Variants in METRNL observed in about 807,000 individuals in gnomAD.
The protein encoded by METRNL is meteorin like, glial cell differentiation regulator.
A neutral mutation model predicts 17.4 loss-of-function variants in METRNL; 9 were observed. The ratio of observed to expected loss-of-function variants is 0.52; its 90% CI spans 0.31 to 0.90. The LOEUF (loss-of-function observed/expected upper bound fraction) is 0.90. METRNL is among the 40% of genes least tolerant of loss of function. METRNL has a pLI of 0.05. For synonymous variants in METRNL, 215 were observed against 199.3 expected, an observed-to-expected ratio of 1.08 and a Z score of -0.66; for missense variants, 408 against 430.7, an observed-to-expected ratio of 0.95 and a Z score of 0.47.
At chr17:83,084,085 T>C (rs1339617628) in intron 1 of METRNL, 1 of 152,210 alleles carries the variant, frequency 6.6e-6, no homozygotes, top group Non-Finnish European at 1.5e-5. Context: ...CTGTTTAGCA[T>C]GTATGAGGGT....
Position 83,094,651 on chromosome 17 carries a change from C to T in METRNL, c.*76C>T, listed in dbSNP as rs535947267. The T allele has an allele frequency of 2.7e-5, 33 of 1,226,178 alleles. 1 individual carries two copies. The highest frequency in any genetic ancestry group is 1.4e-4 in the African/African-American group (9 of 64,316). 76.0% of individuals were successfully genotyped at this position (1,226,178 alleles called of 1,614,324 possible). A position where few individuals can be genotyped will look rare whatever the true frequency, so the allele number is the denominator to read the frequency against. On this transcript the variant is annotated 3_prime_UTR_variant, in exon 4 of 4. Coordinates refer to ENST00000320095, the MANE Select transcript of METRNL (RefSeq NM_001004431.3). ...GCGCTGCGGTCCTGGTGGGGCCGTG[C>T]GGTGAGGGCCGCGCGCTGGGAGCCG...
chr17:83,089,903 C>G (rs951342515), intron 2 of METRNL, among the ~76,000 whole-genome samples: 1 of 152,062 alleles, frequency 6.6e-6, no homozygotes, highest in Non-Finnish European at 1.5e-5. Context: ...GCTGCAGGCA[C>G]TGACCGTCCC....
At chr17:83,093,095 T>C in intron 2 of METRNL, 72 bp from the exon 3 acceptor site, 1 of 1,330,348 alleles carries the variant, frequency 7.5e-7, no homozygotes, top group Non-Finnish European at 1.1e-6. Context: ...TGAGGATCCT[T>C]TGACGGTGGT....
At position 83,094,303 on chromosome 17, in the gene METRNL, G is replaced by C; in HGVS notation, c.664G>C (p.Asp222His). ...QQVTHEPERQDSAIHLRVSRL... is the reference protein window; with the variant it reads ...QQVTHEPERQHSAIHLRVSRL... ...AGTTACCCACGAGCCTGAGCGGCAG[G>C]ACTCAGCCATCCACCTGCGCGTGAG... Residue 222 changes from aspartate to histidine, a missense_variant, in exon 4 of 4, where the codon GAC becomes CAC. Transcript: ENST00000320095. 1 of 1,594,388 alleles carries C rather than the reference G, an allele frequency of 6.3e-7. No homozygotes were observed.
chr17:83,094,167 C>T, intron 3 of METRNL, 89 bp from the exon 4 acceptor site: 1 of 1,133,330 alleles, frequency 8.8e-7, no homozygotes, highest in Admixed American at 2.5e-5. Flanking sequence ...GTTCCAGTGC[C>T]CATCGATGCG....
intron 2 of METRNL, among the ~76,000 whole-genome samples, chr17:83,087,931 G>A (rs772860205): frequency 9.2e-5 from 14 of 152,170 alleles, no homozygotes; most frequent in African/African-American, 1.4e-4. Context: ...TGTGAGCCCC[G>A]TCCCCTGCCC....
At position 83,094,485 on chromosome 17, in the gene METRNL, C is replaced by T. The variant is rs200555781; in HGVS notation, c.846C>T (p.Leu282=). ...ACATGCACTTCGGGGAGGCGCGGCTCGGCTGTGCCCCACGCTTCAAGGACT... is the reference window on the plus strand; with the variant it reads ...ACATGCACTTCGGGGAGGCGCGGCTTGGCTGTGCCCCACGCTTCAAGGACT... ...TGHMHFGEAR[L]GCAPRFKDFQ... is the part of the protein sequence containing the mutation. Residue 282 remains leucine, a synonymous_variant, in exon 4 of 4, where the codon CTC becomes CTT. Coordinates refer to ENST00000320095, the MANE Select transcript of METRNL (RefSeq NM_001004431.3). 2.9e-4 allele frequency: 454 copies of T among 1,577,872 alleles called. No homozygotes were observed. The highest frequency in any genetic ancestry group is 3.5e-4 in the Non-Finnish European group (409 of 1,155,584).
rs147049001 is a variant in METRNL at position 83,091,695 on chromosome 17, G to A, written c.557-1472G>A. 1.3e-4 allele frequency among the ~76,000 whole-genome samples: 20 copies of A among 152,364 alleles called. No individual in the cohort carries two copies. In the East Asian group the frequency reaches 1.4e-3, roughly 10 times the overall value. ...GCAGCCGGCCAGGGGTGCAGACGGCGTTAGCTTCTTCCAGGGCCGGCGAAC... is the reference window on the plus strand; with the variant it reads ...GCAGCCGGCCAGGGGTGCAGACGGCATTAGCTTCTTCCAGGGCCGGCGAAC... On this transcript the variant is annotated intron_variant, in intron 2 of 3. Coordinates refer to ENST00000320095, the MANE Select transcript of METRNL (RefSeq NM_001004431.3).
chr17:83,092,965 G>A (rs2038157703), intron 2 of METRNL, among the ~76,000 whole-genome samples: 1 of 152,180 alleles, frequency 6.6e-6, no homozygotes, highest in South Asian at 2.1e-4. Context: ...TCGAGGTTGT[G>A]TTTTCTGTCT....
intron 2 of METRNL, among the ~76,000 whole-genome samples, chr17:83,086,720 C>T (rs1270526830): frequency 6.6e-6 from 1 of 152,212 alleles, no homozygotes; most frequent in African/African-American, 2.4e-5. Context: ...GAGCTTTGTT[C>T]TGCTTCTGGG....
At chr17:83,089,896 G>T (rs1344331073) in intron 2 of METRNL, among the ~76,000 whole-genome samples, 1 of 152,062 alleles carries the variant, frequency 6.6e-6, no homozygotes, top group African/African-American at 2.4e-5. Flanking sequence ...AGGCGAGGCT[G>T]CAGGCACTGA....
chr17:83,094,025 T>C (rs1028105744), intron 3 of METRNL, among the ~76,000 whole-genome samples: 1 of 152,222 alleles, frequency 6.6e-6, no homozygotes, highest in South Asian at 2.1e-4. Context: ...GGTCTGGCCC[T>C]TGGTAGAAAG....
rs2038181778 is a variant in METRNL, at chr17:83,094,633, G to A, written c.*58G>A. ...AGTCACAGGCTGCGGTGGGCGCTGC[G>A]GTCCTGGTGGGGCCGTGCGGTGAGG... On this transcript the variant is annotated 3_prime_UTR_variant, in exon 4 of 4. Transcript: ENST00000320095. 7 of 1,360,218 alleles carry A rather than the reference G, an allele frequency of 5.1e-6. No homozygotes were observed. The highest frequency in any genetic ancestry group is 5.6e-5 in the East Asian group (2 of 35,816). The allele number at this position is 1,360,218 out of a possible 1,614,324, so 84.3% of individuals were successfully genotyped here. A position where few individuals can be genotyped will look rare whatever the true frequency, so the allele number is the denominator to read the frequency against.
In METRNL at chr17:83,085,250, C is replaced by T. The variant is rs895152360; in HGVS notation, c.483C>T (p.Ile161=). The T allele has an allele frequency of 7.0e-6, 11 of 1,574,076 alleles. No homozygotes were observed. The highest frequency in any genetic ancestry group is 4.5e-5 in the East Asian group (2 of 44,482). Reference sequence around the variant, plus strand: ...TGGAGGCCACGCCGCAGCAGGATATCGGCCGGAGGACCACAGGCTTCCAGT... The same window carrying T: ...TGGAGGCCACGCCGCAGCAGGATATTGGCCGGAGGACCACAGGCTTCCAGT... The part of the protein sequence containing the change: ...LFVEATPQQD[I]GRRTTGFQYE... Residue 161 remains isoleucine, a synonymous_variant, in exon 2 of 4, where the codon ATC becomes ATT. Coordinates refer to ENST00000320095, the MANE Select transcript of METRNL (RefSeq NM_001004431.3).
At chr17:83,080,570 C>CG (rs1289981651) in intron 1 of METRNL, among the ~76,000 whole-genome samples, 2 of 131,560 alleles carry the variant, frequency 1.5e-5, no homozygotes, top group African/African-American at 2.7e-5. Context: ...GGGCGACCCC[C>CG]CCCCCCCCCA....
chr17:83,089,751 C>T (rs780393018), intron 2 of METRNL, among the ~76,000 whole-genome samples: 9 of 152,126 alleles, frequency 5.9e-5, no homozygotes, highest in Admixed American at 2.6e-4. Context: ...TGTCTCCCGG[C>T]GTCCACCGGC....
chr17:83,090,897 C>T (rs763897265), intron 2 of METRNL, among the ~76,000 whole-genome samples: 62 of 152,218 alleles, frequency 4.1e-4, no homozygotes, highest in Non-Finnish European at 4.3e-4. Context: ...CTGTCCAGCA[C>T]GTGCCTGCAT....
chr17:83,090,061 C>T (rs567996223), intron 2 of METRNL, among the ~76,000 whole-genome samples: 4 of 152,118 alleles, frequency 2.6e-5, no homozygotes, highest in African/African-American at 7.2e-5. Context: ...CTTGCATACC[C>T]TCACGCGCCC....
In METRNL at chr17:83,085,251, G is replaced by A. The variant is rs754755665; in HGVS notation, c.484G>A (p.Gly162Ser). Residue 162 changes from glycine (G) to serine (S), a missense_variant, in exon 2 of 4, where the codon GGC becomes AGC. Gly to Ser is a moderately conservative substitution (Grantham distance 56). Transcript: ENST00000320095. ...GGAGGCCACGCCGCAGCAGGATATC[G>A]GCCGGAGGACCACAGGCTTCCAGTA... ...FVEATPQQDI[G>S]RRTTGFQYEL... is the part of the protein sequence containing the mutation. The A allele has an allele frequency of 2.0e-5, 31 of 1,573,886 alleles. No homozygotes were observed. Among genetic ancestry groups the A allele is most frequent in the South Asian group, 7.1e-5 (6 of 84,884 alleles).
Sources: gnomAD v4.1 joint callset for allele counts (sites outside exome capture counted in the v4.1 genomes callset) on GRCh38, gnomAD v4.1.1 for gene constraint, MANE v1.5 for transcripts, NCBI Gene and HGNC (gene_info 2026-07-23, HGNC 2026-07-21) for gene names.